Variants in PNKD observed in about 807,000 individuals in gnomAD.
The protein encoded by PNKD is probable thioesterase PNKD.
In PNKD, 36 loss-of-function variants were observed where a neutral mutation model predicts 45.3. That is an observed-to-expected ratio of 0.80 (90% CI 0.61 to 1.05). The LOEUF (loss-of-function observed/expected upper bound fraction) is 1.05. Among genes scored for constraint, PNKD ranks in the 50% least tolerant of loss-of-function variants. The probability of loss-of-function intolerance (pLI) is 0.00; values close to 1 mark genes in which losing one functional copy is unlikely to be tolerated. For synonymous variants in PNKD, 197 were observed against 210.1 expected, an observed-to-expected ratio of 0.94 and a Z score of 0.54; for missense variants, 511 against 506.6, an observed-to-expected ratio of 1.01 and a Z score of -0.08.
At chr2:218,275,359 G>A in intron 2 of PNKD, 3 of 1,381,008 alleles carry the variant, frequency 2.2e-6, no homozygotes, top group Non-Finnish European at 1.9e-6. Flanking sequence ...AAAGGAAACT[G>A]GGCATGTTAC....
chr2:218,320,122 G>A (rs146075163), intron 2 of PNKD, among the ~76,000 whole-genome samples: 19 of 152,340 alleles, frequency 1.2e-4, no homozygotes, highest in African/African-American at 4.1e-4. Flanking sequence ...TTAGGAGTCT[G>A]ACATTTCAAA....
intron 2 of PNKD, among the ~76,000 whole-genome samples, chr2:218,303,889 T>G (rs1303440928): frequency 6.6e-6 from 1 of 151,774 alleles, no homozygotes; most frequent in African/African-American, 2.4e-5. Flanking sequence ...CGCACTTCTT[T>G]GGTTTCATTT....
At chr2:218,336,441 C>A (rs920576472) in intron 2 of PNKD, among the ~76,000 whole-genome samples, 3 of 152,128 alleles carry the variant, frequency 2.0e-5, no homozygotes, top group Non-Finnish European at 2.9e-5. Context: ...TGTAGAATCA[C>A]AGAAACGACA....
At chr2:218,277,101 T>C in intron 2 of PNKD, 1 of 1,613,848 alleles carries the variant, frequency 6.2e-7, no homozygotes, top group Non-Finnish European at 8.5e-7. Flanking sequence ...GAAGTCCACC[T>C]GCCAGGAAGC....
intron 2 of PNKD, chr2:218,323,361 G>T: frequency 1.3e-6 from 2 of 1,581,852 alleles, no homozygotes; most frequent in Non-Finnish European, 1.7e-6. Flanking sequence ...GAGCCCCCGC[G>T]GCTGCCGAGC....
Position 218,344,413 on chromosome 2 carries a change from A to G in PNKD, c.869-42A>G, listed in dbSNP as rs766398062. The G allele has an allele frequency of 2.9e-6, 4 of 1,403,330 alleles. No individual in the cohort carries two copies. In the South Asian group the frequency reaches 4.9e-5, roughly 17 times the overall value. The allele number at this position is 1,403,330 out of a possible 1,614,324, so 86.9% of individuals were successfully genotyped here. A position where few individuals can be genotyped will look rare whatever the true frequency, so the allele number is the denominator to read the frequency against. On this transcript the variant is annotated intron_variant, in intron 8 of 9. Transcript: ENST00000273077. ...GAAGACTGTTCTGACTGTACCACCA[A>G]TCTCTCTCTGCTCTGTGTCTCACCC... is the stretch of plus-strand genomic sequence containing the variant.
chr2:218,344,539 T>TGCAGCG lies in PNKD; in HGVS notation c.962_967dup (p.Gln321_Arg322dup). 1 of 1,590,820 alleles carries TGCAGCG rather than the reference T, an allele frequency of 6.3e-7. No homozygotes were observed. Among genetic ancestry groups the TGCAGCG allele is most frequent in the Non-Finnish European group, 8.6e-7 (1 of 1,168,482 alleles). On this transcript the variant is annotated inframe_insertion, in exon 9 of 10. Transcript: ENST00000273077. ...GCCCGGGAGAGGAAGATGCAGTGGG[T>TGCAGCG]GCAGCGGCAGCGGCTGGAGCGCAAG...
intron 2 of PNKD, among the ~76,000 whole-genome samples, chr2:218,315,330 C>T (rs191719482): frequency 4.0e-5 from 6 of 151,746 alleles, no homozygotes; most frequent in African/African-American, 7.3e-5. Context: ...TTAGTAGAGA[C>T]GGGGTTTCAC....
intron 2 of PNKD, among the ~76,000 whole-genome samples, chr2:218,300,264 T>G (rs1048379317): frequency 6.6e-6 from 1 of 152,140 alleles, no homozygotes; most frequent in Non-Finnish European, 1.5e-5. Context: ...GCACACTAAC[T>G]TGTCCATTCA....
At chr2:218,272,714 C>T in intron 2 of PNKD, 5 of 1,614,228 alleles carry the variant, frequency 3.1e-6, no homozygotes, top group East Asian at 2.2e-5. Context: ...TCAGGGCTTC[C>T]TCCCAGAGTG....
intron 2 of PNKD, among the ~76,000 whole-genome samples, chr2:218,292,981 GATTAA>G (rs1353121580): frequency 6.6e-6 from 1 of 152,232 alleles, no homozygotes; most frequent in African/African-American, 2.4e-5. Context: ...TGGCTATGCG[GATTAA>G]ATTAATTTCC....
At chr2:218,276,885 G>A (rs1459161837) in intron 2 of PNKD, 4 of 773,842 alleles carry the variant, frequency 5.2e-6, no homozygotes, top group South Asian at 1.6e-5. Flanking sequence ...CTAGCCAGTC[G>A]AGAGGTTCTG....
At chr2:218,273,788 G>A (rs532062960) in intron 2 of PNKD, among the ~76,000 whole-genome samples, 3 of 151,938 alleles carry the variant, frequency 2.0e-5, no homozygotes, top group African/African-American at 4.8e-5. Flanking sequence ...GTGAGCCACC[G>A]CACCAGGCCC....
intron 1 of PNKD, chr2:218,270,990 C>T (rs1318119477): frequency 5.3e-6 from 2 of 375,166 alleles, no homozygotes; most frequent in Non-Finnish European, 9.7e-6. Context: ...CTCTTCCGTA[C>T]AGTGCAAGGG....
intron 2 of PNKD, among the ~76,000 whole-genome samples, chr2:218,278,881 G>C: frequency 6.6e-6 from 1 of 152,168 alleles, no homozygotes; most frequent in East Asian, 1.9e-4. Context: ...TACTCATCTG[G>C]GCACGCACAC....
chr2:218,273,015 C>T, intron 2 of PNKD: 1 of 1,101,336 alleles, frequency 9.1e-7, no homozygotes, highest in East Asian at 3.2e-5. Context: ...CTCATGTGTG[C>T]TCCCTCTCAC....
Position 218,340,959 on chromosome 2 carries a change from C to T in PNKD, c.524+173C>T. On this transcript the variant is annotated intron_variant, in intron 5 of 9. Coordinates refer to ENST00000273077, the MANE Select transcript of PNKD (RefSeq NM_015488.5). The surrounding 1 kb of genome is among the most constrained non-coding windows in gnomAD (Gnocchi z 4.2). Reference sequence around the variant, plus strand: ...GGAGGGAGGAGAGGGGACAGTCTCCCACCACTCCATTGATCAAGCTTCTGA... The same window carrying T: ...GGAGGGAGGAGAGGGGACAGTCTCCTACCACTCCATTGATCAAGCTTCTGA... 3 of 667,792 alleles carry T rather than the reference C, an allele frequency of 4.5e-6. No individual in the cohort carries two copies. The South Asian group carries it at 4.9e-5, about 11-fold the overall frequency. 41.4% of individuals were successfully genotyped at this position (667,792 alleles called of 1,614,324 possible).
chr2:218,339,660 T>G (rs575078659), intron 2 of PNKD, 123 bp from the exon 3 acceptor site: 1 of 715,878 alleles, frequency 1.4e-6, no homozygotes, highest in African/African-American at 1.7e-5. Context: ...TAAGTGAGAG[T>G]GGAATTGCAT....
intron 2 of PNKD, among the ~76,000 whole-genome samples, chr2:218,329,164 G>A (rs761977131): frequency 7.9e-5 from 12 of 151,710 alleles, no homozygotes; most frequent in Admixed American, 6.6e-5. Flanking sequence ...AGTGGAGATC[G>A]CGCCACTGCA....
Sources: allele counts gnomAD v4.1 joint callset (sites outside exome capture counted in the v4.1 genomes callset), GRCh38; gene constraint gnomAD v4.1.1; non-coding constraint Gnocchi (gnomAD v3.1); transcripts MANE v1.5; gene names NCBI Gene and HGNC (gene_info 2026-07-23, HGNC 2026-07-21).